Variants in IGSF10 observed in about 807,000 individuals in gnomAD.
The protein encoded by IGSF10 is calvaria mechanical force protein 608.
Under a neutral mutation model 128.2 loss-of-function variants are expected in IGSF10, and 126 were observed. The observed-to-expected ratio is 0.98, with a 90% CI of 0.85 to 1.14. The LOEUF is 1.14. Ranked by LOEUF, IGSF10 falls within the 50% of genes most tolerant of loss-of-function variation. IGSF10 has a pLI of 0.00. For synonymous variants in IGSF10, 1,185 were observed against 1,146.2 expected (o/e 1.03, Z -0.68); for missense variants, 3,295 against 3,149.8 (o/e 1.05, Z -1.10).
chr3:151,611,185 A>G, the IGSF10 span, among the ~76,000 whole-genome samples: 1 of 152,226 alleles, frequency 6.6e-6, no homozygotes. Flanking sequence ...ATATGCAAAA[A>G]TTCACATATG....
chr3:151,438,799 G>T (rs1474774315), intron 7 of IGSF10, among the ~76,000 whole-genome samples: 3 of 144,936 alleles, frequency 2.1e-5, no homozygotes, highest in East Asian at 2.1e-4. Context: ...ACATATTTGA[G>T]ATATATATAT....
At chr3:151,530,907 GAC>G in the IGSF10 span, among the ~76,000 whole-genome samples, 2 of 151,520 alleles carry the variant, frequency 1.3e-5, no homozygotes, top group Non-Finnish European at 3.0e-5. Context: ...CCAGTTAAAA[GAC>G]ACAGACTGGT....
chr3:151,527,306 C>G, the IGSF10 span, among the ~76,000 whole-genome samples: 1 of 152,148 alleles, frequency 6.6e-6, no homozygotes, highest in African/African-American at 2.4e-5. Flanking sequence ...ATGCTTCATG[C>G]TGGTTCCATT....
chr3:151,463,550 T>TG (rs1722162730), upstream of IGSF10, among the ~76,000 whole-genome samples: 22 of 111,248 alleles, frequency 2.0e-4, 3 homozygotes, highest in East Asian at 2.1e-3. Flanking sequence ...TTTTTTTTTT[T>TG]TTTTTTTTTT....
At chr3:151,520,560 G>A in the IGSF10 span, among the ~76,000 whole-genome samples, 1 of 151,848 alleles carries the variant, frequency 6.6e-6, no homozygotes, top group Non-Finnish European at 1.5e-5. Context: ...AGCCAGAAGA[G>A]AGTGGGGGCC....
chr3:151,522,692 T>A, the IGSF10 span, among the ~76,000 whole-genome samples: 1 of 152,158 alleles, frequency 6.6e-6, no homozygotes, highest in Non-Finnish European at 1.5e-5. Flanking sequence ...TACCTCAAGA[T>A]AATAAGAGCC....
At chr3:151,614,148 G>A in the IGSF10 span, among the ~76,000 whole-genome samples, 16 of 152,064 alleles carry the variant, frequency 1.1e-4, no homozygotes, top group Non-Finnish European at 2.1e-4. Context: ...TTAGAATGGC[G>A]ATCACTAAAA....
At chr3:151,538,929 A>C in the IGSF10 span, among the ~76,000 whole-genome samples, 55 of 152,324 alleles carry the variant, frequency 3.6e-4, no homozygotes, top group African/African-American at 1.3e-3. Flanking sequence ...CAGCAAACGA[A>C]AACACATCCC....
At chr3:151,619,149 T>A in the IGSF10 span, among the ~76,000 whole-genome samples, 1 of 152,090 alleles carries the variant, frequency 6.6e-6, no homozygotes, top group Non-Finnish European at 1.5e-5. Context: ...TACAAAAGTA[T>A]GGAGAATAAA....
chr3:151,587,257 T>C, the IGSF10 span, among the ~76,000 whole-genome samples: 1 of 152,174 alleles, frequency 6.6e-6, no homozygotes, highest in Non-Finnish European at 1.5e-5. Flanking sequence ...AATCAGAGTA[T>C]CACGTCAGAA....
At chr3:151,481,055 C>A in the IGSF10 span, among the ~76,000 whole-genome samples, 2 of 152,106 alleles carry the variant, frequency 1.3e-5, no homozygotes, top group Non-Finnish European at 2.9e-5. Flanking sequence ...TGAGCTCTAG[C>A]CCATCAGAAC....
chr3:151,590,457 C>T, the IGSF10 span, among the ~76,000 whole-genome samples: 1 of 152,222 alleles, frequency 6.6e-6, no homozygotes, highest in Admixed American at 6.5e-5. Flanking sequence ...ATATTTCAAA[C>T]AATGCAAGCA....
At chr3:151,451,688 G>T (rs1721515777) in intron 5 of IGSF10, among the ~76,000 whole-genome samples, 1 of 152,152 alleles carries the variant, frequency 6.6e-6, no homozygotes, top group African/African-American at 2.4e-5. Flanking sequence ...CATAGCTATT[G>T]TCATTGCTTT....
chr3:151,536,415 G>C, the IGSF10 span, among the ~76,000 whole-genome samples: 2 of 152,166 alleles, frequency 1.3e-5, no homozygotes, highest in Non-Finnish European at 2.9e-5. Flanking sequence ...GGTTGCATTT[G>C]TTATTTGGGA....
chr3:151,472,118 C>T, the IGSF10 span, among the ~76,000 whole-genome samples: 2 of 152,100 alleles, frequency 1.3e-5, no homozygotes, highest in African/African-American at 4.8e-5. Context: ...ACTTCCAAAA[C>T]TGCTAAAATG....
At chr3:151,543,741 G>A in the IGSF10 span, among the ~76,000 whole-genome samples, 13 of 152,134 alleles carry the variant, frequency 8.5e-5, no homozygotes, top group South Asian at 6.2e-4. Context: ...GGAGGTGTGC[G>A]TCTGCCTGCC....
chr3:151,469,807 C>T, the IGSF10 span, among the ~76,000 whole-genome samples: 4 of 152,280 alleles, frequency 2.6e-5, no homozygotes, highest in Non-Finnish European at 2.9e-5. Flanking sequence ...TACTCCCATG[C>T]AGGAGCCCTT....
At chr3:151,432,590 T>G, downstream of IGSF10, 1 of 555,622 alleles carries the variant, frequency 1.8e-6, no homozygotes, top group Non-Finnish European at 3.2e-6. Flanking sequence ...GGGTGGTACT[T>G]GAATCCCACC....
Position 151,448,307 on chromosome 3 carries a change from A to T in IGSF10, c.1674T>A (p.Asp558Glu). Residue 558 changes from aspartate (D) to glutamate (E), a missense_variant, in exon 6 of 8, where the codon GAT becomes GAA. Physicochemically the swap from Asp to Glu is conservative, Grantham distance 45. Coordinates refer to ENST00000282466, the MANE Select transcript of IGSF10 (RefSeq NM_178822.5). ...TTATCCTATAGGTGAGAATATCTGC[A>T]TCATCATAATTGCTGCTTATACAGT... is the stretch of plus-strand genomic sequence containing the variant. ...VYHCISSNYDDADILTYRITV... is the reference protein window; with the variant it reads ...VYHCISSNYDEADILTYRITV... 6.2e-7 allele frequency: 1 copy of T among 1,614,248 alleles called. No individual in the cohort carries two copies. The highest frequency in any genetic ancestry group is 8.5e-7 in the Non-Finnish European group (1 of 1,180,040).
Sources: gnomAD v4.1 joint callset for allele counts (sites outside exome capture counted in the v4.1 genomes callset) on GRCh38, gnomAD v4.1.1 for gene constraint, MANE v1.5 for transcripts, NCBI Gene and HGNC (gene_info 2026-07-23, HGNC 2026-07-21) for gene names.